The following ELAVL1 variants were observed in gnomAD, a reference collection of about 807,000 sequenced individuals.
The protein encoded by ELAVL1 is ELAV-like protein 1.
In ELAVL1, 1 loss-of-function variant was observed where a neutral mutation model predicts 28.4. That is an observed-to-expected ratio of 0.04 (90% CI 0.01 to 0.17). ELAVL1 has a LOEUF of 0.17. Ranked by LOEUF, ELAVL1 falls within the 10% of genes least tolerant of loss-of-function variation. ELAVL1 has a pLI of 1.00. For synonymous variants in ELAVL1, 174 were observed against 183.5 expected (o/e 0.95, Z 0.42); for missense variants, 157 against 447.2 (o/e 0.35, Z 5.85).
At chr19:7,971,206 GA>G (rs1985102115) in intron 4 of ELAVL1, among the ~76,000 whole-genome samples, 1 of 152,230 alleles carries the variant, frequency 6.6e-6, no homozygotes, top group African/African-American at 2.4e-5. Flanking sequence ...GCTGTGTGCA[GA>G]GGTGAGTTCC....
intron 2 of ELAVL1, among the ~76,000 whole-genome samples, chr19:7,990,213 G>C (rs1006017817): frequency 1.3e-5 from 2 of 152,074 alleles, no homozygotes; most frequent in African/African-American, 4.8e-5. Flanking sequence ...GTATAGACAG[G>C]GTTTCACCAT....
rs907931320 is a variant in ELAVL1, at chr19:7,973,719, T to A, written c.430+6A>T. On this transcript the variant is annotated splice_donor_region_variant and intron_variant, in intron 4 of 5. Coordinates refer to ENST00000407627, the MANE Select transcript of ELAVL1 (RefSeq NM_001419.3). Reference sequence around the variant, plus strand: ...CCTCCCCACGCGTCTGGGGCCCCTCTGGTACCTGTAGTCTGATCCACGAGG... The same window carrying A: ...CCTCCCCACGCGTCTGGGGCCCCTCAGGTACCTGTAGTCTGATCCACGAGG... 3 of 1,612,550 alleles carry A rather than the reference T, an allele frequency of 1.9e-6. No homozygotes were observed. Among genetic ancestry groups the A allele is most frequent in the African/African-American group, 2.7e-5 (2 of 74,888 alleles).
chr19:7,992,352 C>G (rs1241112677), intron 1 of ELAVL1, among the ~76,000 whole-genome samples: 1 of 152,174 alleles, frequency 6.6e-6, no homozygotes, highest in African/African-American at 2.4e-5. Context: ...TGGAAGCAAC[C>G]AGGATCTCCT....
Position 7,993,051 on chromosome 19 carries a change from G to A in ELAVL1, c.-16-1220C>T, listed in dbSNP as rs563540376. ...CCCAAAGTGCTAGGATTACGGGCAT[G>A]AGCCACTGTGTCCGGCTTCTTTCTA... is the stretch of plus-strand genomic sequence containing the variant. On this transcript the variant is annotated intron_variant, in intron 1 of 5. Transcript: ENST00000407627. Among the ~76,000 whole-genome samples the A allele has an allele frequency of 4.6e-5, 7 of 152,336 alleles. No homozygotes were observed. The East Asian group carries it at 7.7e-4, about 17-fold the overall frequency.
intron 2 of ELAVL1, among the ~76,000 whole-genome samples, chr19:7,990,728 G>A (rs1985728978): frequency 6.6e-6 from 1 of 152,100 alleles, no homozygotes; most frequent in African/African-American, 2.4e-5. Flanking sequence ...ACAGAGCCCC[G>A]AGAGGACTGG....
At chr19:7,985,635 G>A (rs145362556) in intron 2 of ELAVL1, among the ~76,000 whole-genome samples, 109 of 152,314 alleles carry the variant, frequency 7.2e-4, no homozygotes, top group East Asian at 7.0e-3. Context: ...TGCACAGGCC[G>A]TGGTGGGCCT....
intron 4 of ELAVL1, among the ~76,000 whole-genome samples, chr19:7,970,829 T>C (rs1411414372): frequency 1.3e-5 from 2 of 152,150 alleles, no homozygotes; most frequent in Non-Finnish European, 1.5e-5. Context: ...CCCAAAGTAT[T>C]AGGATTACAG....
intron 4 of ELAVL1, among the ~76,000 whole-genome samples, chr19:7,969,411 C>T (rs1985042032): frequency 6.6e-6 from 1 of 152,292 alleles, no homozygotes; most frequent in East Asian, 1.9e-4. Flanking sequence ...AGGGTCCCGC[C>T]AGCTGCCCCC....
intron 5 of ELAVL1, among the ~76,000 whole-genome samples, chr19:7,966,422 C>T (rs1984957476): frequency 6.6e-6 from 1 of 152,178 alleles, no homozygotes; most frequent in Admixed American, 6.5e-5. Flanking sequence ...TCCGGGAAAA[C>T]TCCTCCCCTC....
rs535098559 is a variant in ELAVL1 at position 7,973,375 on chromosome 19, C to T, written c.430+350G>A. 72 of 376,462 alleles carry T rather than the reference C, an allele frequency of 1.9e-4. No homozygotes were observed. In the East Asian group the frequency reaches 2.4e-3, roughly 12 times the overall value. 23.3% of individuals were successfully genotyped at this position (376,462 alleles called of 1,614,324 possible). A position where few individuals can be genotyped will look rare whatever the true frequency, so the allele number is the denominator to read the frequency against. The stretch of plus-strand genomic sequence containing the variant: ...CCTCCCGAGTAGCTGGGACTACAGG[C>T]GCCCGCCACCATGCCCAGCTAATTT... On this transcript the variant is annotated intron_variant, in intron 4 of 5. Transcript: ENST00000407627.
chr19:7,961,704 T>C lies in ELAVL1; in HGVS notation c.*1779A>G, dbSNP rs1452804652. The C allele has an allele frequency of 1.3e-5, 2 of 152,144 alleles. No individual in the cohort carries two copies. The highest frequency in any genetic ancestry group is 1.9e-4 in the East Asian group (1 of 5,170). 9.4% of individuals were successfully genotyped at this position (152,144 alleles called of 1,614,324 possible). A position where few individuals can be genotyped will look rare whatever the true frequency, so the allele number is the denominator to read the frequency against. ...TGGCAACATCATCAATTTGCAAGGATCGCGCACACAGCCCCTCAGTAAAAG... is the reference window on the plus strand; with the variant it reads ...TGGCAACATCATCAATTTGCAAGGACCGCGCACACAGCCCCTCAGTAAAAG... On this transcript the variant is annotated 3_prime_UTR_variant, in exon 6 of 6. Coordinates refer to ENST00000407627, the MANE Select transcript of ELAVL1 (RefSeq NM_001419.3).
chr19:7,975,413 T>C (rs1475437764), intron 3 of ELAVL1, among the ~76,000 whole-genome samples: 1 of 152,196 alleles, frequency 6.6e-6, no homozygotes. Flanking sequence ...AGGACAGGTG[T>C]CTCCAAGGAC....
chr19:7,971,974 G>C (rs776357570), intron 4 of ELAVL1, among the ~76,000 whole-genome samples: 5 of 152,252 alleles, frequency 3.3e-5, no homozygotes, highest in Non-Finnish European at 5.9e-5. Context: ...CGAGGCTCTG[G>C]GCTGCTGGGG....
chr19:7,992,199 C>G (rs1358612059), intron 1 of ELAVL1, among the ~76,000 whole-genome samples: 1 of 152,124 alleles, frequency 6.6e-6, no homozygotes, highest in Non-Finnish European at 1.5e-5. Context: ...CCTCGGCCTC[C>G]CAAAGTGCTG....
intron 1 of ELAVL1, among the ~76,000 whole-genome samples, chr19:7,998,050 C>A (rs2145228465): frequency 6.6e-6 from 1 of 152,326 alleles, no homozygotes; most frequent in African/African-American, 2.4e-5. Flanking sequence ...TGAGTCAAGG[C>A]TGAGCAGCCC....
chr19:7,963,350 CCTT>C lies in ELAVL1; in HGVS notation c.*130_*132del. On this transcript the variant is annotated 3_prime_UTR_variant, in exon 6 of 6. Transcript: ENST00000407627. This position sits in a 1 kb window ranked among gnomAD's most constrained non-coding sequence, Gnocchi z 4.5. ...TCGGTTGCATCCCAGAGTATAAAAA[CCTT>C]CTCACTTCTCATTCAGACAAAGACA... 1 of 1,071,214 alleles carries C rather than the reference CCTT, an allele frequency of 9.3e-7. No individual in the cohort carries two copies. The highest frequency in any genetic ancestry group is 1.7e-5 in the South Asian group (1 of 58,976). 66.4% of individuals were successfully genotyped at this position (1,071,214 alleles called of 1,614,324 possible).
At chr19:7,976,739 G>C (rs971486458) in intron 3 of ELAVL1, among the ~76,000 whole-genome samples, 2 of 152,076 alleles carry the variant, frequency 1.3e-5, no homozygotes, top group Non-Finnish European at 2.9e-5. Flanking sequence ...GCAAACTCCT[G>C]ACCACTCAGC....
rs373329337 is a variant in ELAVL1, at chr19:7,979,831, T to C, written c.276+1252A>G. Among the ~76,000 whole-genome samples, 26 of 152,166 alleles carry C rather than the reference T, an allele frequency of 1.7e-4. 1 individual carries two copies. In the South Asian group the frequency reaches 5.2e-3, roughly 30 times the overall value. On this transcript the variant is annotated intron_variant, in intron 3 of 5. Coordinates refer to ENST00000407627, the MANE Select transcript of ELAVL1 (RefSeq NM_001419.3). This position sits in a 1 kb window ranked among gnomAD's most constrained non-coding sequence, Gnocchi z 5.4. ...TTTGGCCACTGAGTAACCAAGATCATGGGGCAGTCTGAAGGCAGGGACAGA... is the reference window on the plus strand; with the variant it reads ...TTTGGCCACTGAGTAACCAAGATCACGGGGCAGTCTGAAGGCAGGGACAGA...
chr19:7,980,340 G>A (rs1200510935), intron 3 of ELAVL1, among the ~76,000 whole-genome samples: 2 of 152,148 alleles, frequency 1.3e-5, no homozygotes, highest in South Asian at 2.1e-4. Context: ...GGAAAGACAC[G>A]AGGCTTGATA....
Sources: allele counts gnomAD v4.1 joint callset (sites outside exome capture counted in the v4.1 genomes callset), GRCh38; gene constraint gnomAD v4.1.1; non-coding constraint Gnocchi (gnomAD v3.1); transcripts MANE v1.5; gene names NCBI Gene and HGNC (gene_info 2026-07-23, HGNC 2026-07-21).